Variants in RNF38 observed in about 807,000 individuals in gnomAD.
RNF38 encodes E3 ubiquitin-protein ligase RNF38.
A neutral mutation model predicts 67.2 loss-of-function variants in RNF38; 15 were observed. That is an observed-to-expected ratio of 0.22 (90% CI 0.15 to 0.34). The LOEUF (loss-of-function observed/expected upper bound fraction) is 0.34. Among genes scored for constraint, RNF38 ranks in the 10% least tolerant of loss-of-function variants. The pLI, the probability that RNF38 is intolerant of heterozygous loss-of-function variation, is 1.00. For synonymous variants in RNF38, 220 were observed against 218.8 expected (o/e 1.01, Z -0.05); for missense variants, 524 against 639.9 (o/e 0.82, Z 1.95).
Position 36,394,009 on chromosome 9 carries a change from G to A in RNF38, c.13-3393C>T, listed in dbSNP as rs539449872. Among the ~76,000 whole-genome samples the A allele has an allele frequency of 4.8e-4, 73 of 152,328 alleles. 1 individual carries two copies. In the East Asian group the frequency reaches 0.013, roughly 27 times the overall value. ...TCACAGCTCTGGGCCGGGTACAGTG[G>A]CTCACGCCTGTAATCCCAGCACTTT... On this transcript the variant is annotated intron_variant, in intron 1 of 11. Coordinates refer to ENST00000259605, the MANE Select transcript of RNF38 (RefSeq NM_022781.5).
At chr9:36,471,158 G>C (rs1028280015) in intron 1 of RNF38, among the ~76,000 whole-genome samples, 1 of 152,054 alleles carries the variant, frequency 6.6e-6, no homozygotes, top group Non-Finnish European at 1.5e-5. Flanking sequence ...ATGCAACATA[G>C]CCCCCTCAGT....
At chr9:36,469,988 A>G (rs1024233719) in intron 1 of RNF38, among the ~76,000 whole-genome samples, 1 of 152,100 alleles carries the variant, frequency 6.6e-6, no homozygotes, top group Non-Finnish European at 1.5e-5. Flanking sequence ...CAAAACAAAA[A>G]CAAAGAAAAA....
At chr9:36,345,253 A>G (rs988457489) in intron 9 of RNF38, among the ~76,000 whole-genome samples, 7 of 152,220 alleles carry the variant, frequency 4.6e-5, no homozygotes, top group South Asian at 2.1e-4. Context: ...AACATTAATG[A>G]ACCTTGATCT....
chr9:36,435,722 C>T (rs1319298516), intron 1 of RNF38, among the ~76,000 whole-genome samples: 2 of 151,748 alleles, frequency 1.3e-5, no homozygotes, highest in Non-Finnish European at 2.9e-5. Context: ...CTCCGCCTCC[C>T]GGGTTCACGT....
intron 2 of RNF38, among the ~76,000 whole-genome samples, chr9:36,420,531 C>CAAAAAAAAAAAAAAAAAAAAAAAA (rs1447823341): frequency 3.5e-5 from 1 of 28,974 alleles, no homozygotes; most frequent in Non-Finnish European, 1.1e-4. Flanking sequence ...GACTCTGTCT[C>CAAAAAAAAAAAAAAAAAAAAAAAA]CAAAAAAAAA....
upstream of RNF38, chr9:36,487,588 T>G (rs1210510245): frequency 1.3e-5 from 13 of 979,244 alleles, no homozygotes; most frequent in Non-Finnish European, 1.5e-5. Flanking sequence ...CGGCTCCGGC[T>G]GCGACTCGAC....
At chr9:36,460,820 A>G (rs143104207) in intron 1 of RNF38, among the ~76,000 whole-genome samples, 7,342 of 149,422 alleles carry the variant, frequency 0.049, 558 homozygotes, top group African/African-American at 0.16. Flanking sequence ...CCAGGAGGTG[A>G]AGGTTGCAGC....
At chr9:36,347,733 C>T (rs1292246088) in intron 9 of RNF38, among the ~76,000 whole-genome samples, 1 of 152,182 alleles carries the variant, frequency 6.6e-6, no homozygotes, top group Non-Finnish European at 1.5e-5. Context: ...CCACAATGGC[C>T]TCTAATTGTT....
intron 4 of RNF38, among the ~76,000 whole-genome samples, chr9:36,365,662 G>GTTTTTTTTTTTTTTTTTTTTTT: frequency 9.7e-6 from 1 of 103,600 alleles, no homozygotes; most frequent in Non-Finnish European, 1.7e-5. Flanking sequence ...AAGACTGATA[G>GTTTTTTTTTTTTTTTTTTTTTT]TTTTTTTTTT....
rs540760872 is a variant in RNF38, at chr9:36,383,196, C to A, written c.163-7069G>T. Among the ~76,000 whole-genome samples, 12 of 152,226 alleles carry A rather than the reference C, an allele frequency of 7.9e-5. No homozygotes were observed. The East Asian group carries it at 2.3e-3, about 29-fold the overall frequency. On this transcript the variant is annotated intron_variant, in intron 2 of 11. Transcript: ENST00000259605. ...ATTTTTAAACTATGTCCAGATAATA[C>A]GTAAAATGTGGTTTTTTGGTTGCTG...
chr9:36,338,608 T>C lies in RNF38; in HGVS notation c.*1144A>G, dbSNP rs1405849443. On this transcript the variant is annotated 3_prime_UTR_variant, in exon 12 of 12. Transcript: ENST00000259605. ...AAACAATTGAGTTGCCCACAGGAGCTTGAACACAGAACACATATGAGAAGT... is the reference window on the plus strand; with the variant it reads ...AAACAATTGAGTTGCCCACAGGAGCCTGAACACAGAACACATATGAGAAGT... 6.6e-6 allele frequency: 1 copy of C among 152,288 alleles called. No homozygotes were observed. Among genetic ancestry groups the C allele is most frequent in the African/African-American group, 2.4e-5 (1 of 41,442 alleles). 9.4% of individuals were successfully genotyped at this position (152,288 alleles called of 1,614,324 possible).
At chr9:36,465,509 G>C (rs890926874) in intron 1 of RNF38, among the ~76,000 whole-genome samples, 3 of 152,064 alleles carry the variant, frequency 2.0e-5, no homozygotes, top group African/African-American at 7.2e-5. Flanking sequence ...ACCACGCCTG[G>C]CTGATTTTAT....
intron 2 of RNF38, among the ~76,000 whole-genome samples, chr9:36,420,547 A>AAAAAAAAAAAAAAG (rs1838597781): frequency 6.6e-6 from 1 of 150,402 alleles, no homozygotes; most frequent in African/African-American, 2.4e-5. Flanking sequence ...AAAAAAAAAA[A>AAAAAAAAAAAAAAG]GAGGACAACC....
chr9:36,441,948 CTATT>C (rs1328720977), intron 1 of RNF38, among the ~76,000 whole-genome samples: 2 of 152,172 alleles, frequency 1.3e-5, no homozygotes, highest in African/African-American at 4.8e-5. Context: ...GATTATAAAC[CTATT>C]TATTATCACT....
chr9:36,373,410 C>T (rs7033793), intron 3 of RNF38, among the ~76,000 whole-genome samples: 112,539 of 151,954 alleles, frequency 0.74, 41,736 homozygotes, highest in African/African-American at 0.75. Context: ...ACCAAAATCA[C>T]ATTATCTTAA....
At chr9:36,381,354 C>G (rs1836197103) in intron 2 of RNF38, among the ~76,000 whole-genome samples, 2 of 152,240 alleles carry the variant, frequency 1.3e-5, no homozygotes, top group Admixed American at 6.5e-5. Context: ...AAATTGAGTT[C>G]TTGGCCTGGA....
chr9:36,436,416 G>C (rs1839066189), intron 1 of RNF38, among the ~76,000 whole-genome samples: 1 of 152,160 alleles, frequency 6.6e-6, no homozygotes, highest in African/African-American at 2.4e-5. Flanking sequence ...TATTAAAATA[G>C]TAATGACAGA....
At chr9:36,432,731 T>C (rs1385152986) in intron 1 of RNF38, among the ~76,000 whole-genome samples, 1 of 151,924 alleles carries the variant, frequency 6.6e-6, no homozygotes, top group Admixed American at 6.6e-5. Context: ...AGGCGGAGGC[T>C]GCAGTGAGCC....
chr9:36,478,910 T>C (rs911224623), intron 1 of RNF38, among the ~76,000 whole-genome samples: 1 of 151,586 alleles, frequency 6.6e-6, no homozygotes, highest in African/African-American at 2.4e-5. Context: ...ATCATTCTGG[T>C]AACACAAACA....
Sources: allele counts gnomAD v4.1 joint callset (sites outside exome capture counted in the v4.1 genomes callset), GRCh38; gene constraint gnomAD v4.1.1; transcripts MANE v1.5; gene names NCBI Gene and HGNC (gene_info 2026-07-23, HGNC 2026-07-21).